SYN3: variants seen among roughly 807,000 people sequenced by gnomAD.
SYN3 encodes the protein synapsin III.
SYN3 carries 35 observed loss-of-function variants against 65.8 expected under a neutral mutation model. The ratio of observed to expected loss-of-function variants is 0.53; its 90% CI spans 0.41 to 0.70. The LOEUF is 0.70. Among genes scored for constraint, SYN3 ranks in the 30% least tolerant of loss-of-function variants. The probability of loss-of-function intolerance (pLI) is 0.00; values close to 1 mark genes in which losing one functional copy is unlikely to be tolerated. For synonymous variants in SYN3, 270 were observed against 292.9 expected (o/e 0.92, Z 0.80); for missense variants, 680 against 749.0 (o/e 0.91, Z 1.08).
At chr22:32,671,301 C>A (rs1392435187) in intron 6 of SYN3, among the ~76,000 whole-genome samples, 2 of 151,766 alleles carry the variant, frequency 1.3e-5, no homozygotes, top group Non-Finnish European at 2.9e-5. Flanking sequence ...CACAGACACG[C>A]ACACATTCAC....
intron 1 of SYN3, among the ~76,000 whole-genome samples, chr22:33,036,675 G>A (rs1346111643): frequency 1.8e-5 from 2 of 112,168 alleles, no homozygotes; most frequent in Non-Finnish European, 3.5e-5. Context: ...TAAAGCCCAA[G>A]TTCTTTTTTT....
intron 6 of SYN3, among the ~76,000 whole-genome samples, chr22:32,754,310 C>G (rs1021211517): frequency 2.0e-5 from 3 of 152,174 alleles, no homozygotes; most frequent in African/African-American, 7.2e-5. Flanking sequence ...TGCAACCACG[C>G]CTGGCTACTT....
At chr22:33,029,691 G>C (rs1235901439) in intron 1 of SYN3, among the ~76,000 whole-genome samples, 1 of 152,002 alleles carries the variant, frequency 6.6e-6, no homozygotes, top group Admixed American at 6.5e-5. Flanking sequence ...TCAAACCCAG[G>C]CTCTCTGGCT....
chr22:32,553,939 C>T (rs1169074236), intron 7 of SYN3, among the ~76,000 whole-genome samples: 1 of 152,166 alleles, frequency 6.6e-6, no homozygotes, highest in Non-Finnish European at 1.5e-5. Flanking sequence ...CATGGGGGAG[C>T]AGCAGCTGAA....
chr22:32,996,949 G>A (rs770084566), intron 2 of SYN3, among the ~76,000 whole-genome samples: 4 of 152,184 alleles, frequency 2.6e-5, no homozygotes, highest in Non-Finnish European at 5.9e-5. Context: ...GCTGCCACCC[G>A]TTGCCTCACA....
intron 1 of SYN3, among the ~76,000 whole-genome samples, chr22:33,048,432 T>A (rs961815462): frequency 2.6e-5 from 4 of 152,158 alleles, no homozygotes; most frequent in African/African-American, 7.2e-5. Flanking sequence ...TGAAATGTGA[T>A]CCCCAGTATT....
At chr22:33,045,009 AT>A (rs1175380101) in intron 1 of SYN3, among the ~76,000 whole-genome samples, 4 of 151,886 alleles carry the variant, frequency 2.6e-5, no homozygotes, top group Non-Finnish European at 5.9e-5. Flanking sequence ...CACCCGGCTA[AT>A]TTTTGTACTT....
intron 6 of SYN3, among the ~76,000 whole-genome samples, chr22:32,630,426 G>C (rs779855187): frequency 2.6e-5 from 4 of 152,130 alleles, no homozygotes; most frequent in Non-Finnish European, 4.4e-5. Flanking sequence ...TTAAGTAAAT[G>C]AATATCAATG....
intron 6 of SYN3, among the ~76,000 whole-genome samples, chr22:32,665,012 TTTTTTG>T (rs2060270891): frequency 1.5e-5 from 2 of 137,258 alleles, no homozygotes; most frequent in Admixed American, 7.3e-5. Flanking sequence ...TTTTTTTTTT[TTTTTTG>T]GGGCAGAGCC....
At chr22:32,883,912 C>A (rs1365282595) in intron 4 of SYN3, among the ~76,000 whole-genome samples, 3 of 152,210 alleles carry the variant, frequency 2.0e-5, no homozygotes, top group African/African-American at 4.8e-5. Flanking sequence ...AAGCCCACAT[C>A]AGACATCACT....
At chr22:32,790,406 C>A (rs887654230) in intron 6 of SYN3, among the ~76,000 whole-genome samples, 6 of 145,800 alleles carry the variant, frequency 4.1e-5, no homozygotes, top group African/African-American at 1.3e-4. Context: ...TTAAATTAAA[C>A]TTTATTTATT....
chr22:33,006,693 T>A lies in SYN3; in HGVS notation c.-31A>T. On this transcript the variant is annotated 5_prime_UTR_variant, in exon 2 of 14. Transcript: ENST00000358763. Reference sequence around the variant, plus strand: ...TGGATGGATGGAGATGACTGGCTCCTACCCAGACGTGTGTAGGTGAGGCCC... The same window carrying A: ...TGGATGGATGGAGATGACTGGCTCCAACCCAGACGTGTGTAGGTGAGGCCC... 1 of 1,543,784 alleles carries A rather than the reference T, an allele frequency of 6.5e-7. No individual in the cohort carries two copies. Among genetic ancestry groups the A allele is most frequent in the Non-Finnish European group, 8.7e-7 (1 of 1,144,230 alleles).
In SYN3 at chr22:32,715,164, G is replaced by A. The variant is rs192896604; in HGVS notation, c.712-118428C>T. Among the ~76,000 whole-genome samples the A allele has an allele frequency of 1.8e-4, 27 of 152,264 alleles. No individual in the cohort carries two copies. In the East Asian group the frequency reaches 2.5e-3, roughly 14 times the overall value. On this transcript the variant is annotated intron_variant, in intron 6 of 13. Transcript: ENST00000358763. ...AAAAACAAAGCCTCAGATATGTAGCGTTTGCTTATTTTCATGGAATAAATA... is the reference window on the plus strand; with the variant it reads ...AAAAACAAAGCCTCAGATATGTAGCATTTGCTTATTTTCATGGAATAAATA...
intron 1 of SYN3, among the ~76,000 whole-genome samples, chr22:33,010,791 T>A (rs1025622948): frequency 3.3e-5 from 5 of 152,164 alleles, no homozygotes; most frequent in Non-Finnish European, 5.9e-5. Context: ...ACTCAGAAAT[T>A]TTTTTGTGAT....
At chr22:32,531,148 CAAAAAAAAAAAAA>C (rs59432094) in intron 10 of SYN3, among the ~76,000 whole-genome samples, 6 of 26,152 alleles carry the variant, frequency 2.3e-4, no homozygotes, top group African/African-American at 5.0e-4. Flanking sequence ...GACCCCGTCT[CAAAAAAAAAAAAA>C]AAAAAAAAAA....
intron 6 of SYN3, among the ~76,000 whole-genome samples, chr22:32,749,302 C>G (rs2045038083): frequency 9.5e-6 from 1 of 105,416 alleles, no homozygotes. Context: ...CAAAGCCCCC[C>G]CCCCACCCCA....
At chr22:32,891,955 T>C (rs2049458969) in intron 4 of SYN3, among the ~76,000 whole-genome samples, 2 of 151,446 alleles carry the variant, frequency 1.3e-5, no homozygotes, top group South Asian at 2.1e-4. Flanking sequence ...AGACCAGGTA[T>C]TGTTTCAAGA....
intron 7 of SYN3, among the ~76,000 whole-genome samples, chr22:32,572,400 C>CTCCT (rs2058781439): frequency 2.7e-5 from 1 of 37,246 alleles, no homozygotes; most frequent in Non-Finnish European, 6.2e-5. Flanking sequence ...CCTTCCCTCC[C>CTCCT]TCCCTCCTGT....
chr22:32,547,752 A>G (rs2058355881), intron 7 of SYN3, among the ~76,000 whole-genome samples: 2 of 152,176 alleles, frequency 1.3e-5, no homozygotes, highest in Non-Finnish European at 2.9e-5. Flanking sequence ...CCTGTTCCAA[A>G]TTACAAAATC....
Sources: gnomAD v4.1 joint callset for allele counts (sites outside exome capture counted in the v4.1 genomes callset) on GRCh38, gnomAD v4.1.1 for gene constraint, MANE v1.5 for transcripts, NCBI Gene and HGNC (gene_info 2026-07-23, HGNC 2026-07-21) for gene names.